SHC4: variants seen among roughly 807,000 people sequenced by gnomAD.
SHC4 encodes SHC-transforming protein 4.
SHC4 carries 41 observed loss-of-function variants against 69.4 expected under a neutral mutation model. The observed-to-expected ratio is 0.59, with a 90% CI of 0.46 to 0.77. The LOEUF (loss-of-function observed/expected upper bound fraction) is 0.77. Ranked by LOEUF, SHC4 falls within the 30% of genes least tolerant of loss-of-function variation. The pLI is 0.00. For synonymous variants in SHC4, 318 were observed against 299.3 expected (o/e 1.06, Z -0.64); for missense variants, 777 against 783.8 (o/e 0.99, Z 0.10).
At position 48,934,773 on chromosome 15, in the gene SHC4, G is replaced by A. The variant is rs533718923; in HGVS notation, c.586-9824C>T. Reference sequence around the variant, plus strand: ...GGAATAGTATTTGGCAATAAAAAGCGATCAAGTATTGATACATGCTGCAGC... The same window carrying A: ...GGAATAGTATTTGGCAATAAAAAGCAATCAAGTATTGATACATGCTGCAGC... On this transcript the variant is annotated intron_variant, in intron 1 of 11. Transcript: ENST00000332408. Among the ~76,000 whole-genome samples the A allele has an allele frequency of 3.8e-4, 58 of 152,214 alleles. No individual in the cohort carries two copies. In the South Asian group the frequency reaches 0.011, roughly 28 times the overall value.
At chr15:48,872,736 G>A (rs531802632) in intron 4 of SHC4, among the ~76,000 whole-genome samples, 6 of 152,226 alleles carry the variant, frequency 3.9e-5, no homozygotes, top group Admixed American at 3.9e-4. Flanking sequence ...CCTGAGTAAG[G>A]CACTAACATT....
At chr15:48,957,529 C>T (rs923208844) in intron 1 of SHC4, among the ~76,000 whole-genome samples, 6 of 152,068 alleles carry the variant, frequency 3.9e-5, no homozygotes, top group Admixed American at 2.0e-4. Context: ...CAGGAGAAGA[C>T]GGATGGTAAG....
chr15:48,950,511 A>T (rs1901349584), intron 1 of SHC4, among the ~76,000 whole-genome samples: 2 of 152,176 alleles, frequency 1.3e-5, no homozygotes, highest in Non-Finnish European at 2.9e-5. Flanking sequence ...CTATAGTAGC[A>T]GAGTTTCCCA....
At position 48,867,857 on chromosome 15, in the gene SHC4, A is replaced by T. The variant is rs776596645; in HGVS notation, c.907T>A (p.Tyr303Asn). The T allele has an allele frequency of 3.1e-6, 5 of 1,613,240 alleles. No individual in the cohort carries two copies. The highest frequency in any genetic ancestry group is 4.2e-6 in the Non-Finnish European group (5 of 1,179,476). The change falls in exon 6 of 12, where the codon TAT (tyrosine) becomes AAT (asparagine). Residue 303 changes from tyrosine to asparagine, a missense_variant. By Grantham distance (143) the Tyr-to-Asn change is moderately radical. Coordinates refer to ENST00000332408, the MANE Select transcript of SHC4 (RefSeq NM_203349.4). ...ASGGDPDTTD[Y>N]VAYVAKDPVN... ...GGATCTTTAGCTACGTAGGCAACAT[A>T]GTCTGTAGTATCCTATAAAAAAGGG...
At chr15:48,832,140 C>T (rs975808010) in intron 11 of SHC4, among the ~76,000 whole-genome samples, 3 of 152,072 alleles carry the variant, frequency 2.0e-5, no homozygotes, top group Admixed American at 6.5e-5. Context: ...GGTGTGGTGG[C>T]GGGCACCTGT....
At chr15:48,865,165 G>A (rs1899535590) in intron 6 of SHC4, among the ~76,000 whole-genome samples, 1 of 152,168 alleles carries the variant, frequency 6.6e-6, no homozygotes, top group Non-Finnish European at 1.5e-5. Context: ...ACCATGGTGG[G>A]ATTTTCCTTC....
chr15:48,959,327 C>T (rs572406311), intron 1 of SHC4, among the ~76,000 whole-genome samples: 13 of 152,328 alleles, frequency 8.5e-5, no homozygotes, highest in South Asian at 4.1e-4. Context: ...AACCTATCTC[C>T]GCTCACTAAA....
intron 1 of SHC4, among the ~76,000 whole-genome samples, chr15:48,928,124 G>T (rs184994158): frequency 6.8e-4 from 104 of 152,122 alleles, no homozygotes; most frequent in Non-Finnish European, 1.3e-3. Context: ...CTCCACCCAG[G>T]AGTACAAGAG....
At chr15:48,841,805 T>C (rs1158482606) in intron 10 of SHC4, among the ~76,000 whole-genome samples, 3 of 152,220 alleles carry the variant, frequency 2.0e-5, no homozygotes, top group Non-Finnish European at 4.4e-5. Context: ...GAATAGGGTG[T>C]CAGGAGTGAT....
At chr15:48,838,675 A>G (rs965896490) in intron 10 of SHC4, among the ~76,000 whole-genome samples, 54 of 152,270 alleles carry the variant, frequency 3.5e-4, no homozygotes, top group African/African-American at 1.3e-3. Context: ...AGTAATTAAG[A>G]TGCTGGTTGA....
At chr15:48,838,769 G>C (rs1898942572) in intron 10 of SHC4, among the ~76,000 whole-genome samples, 3 of 152,224 alleles carry the variant, frequency 2.0e-5, no homozygotes, top group Admixed American at 1.3e-4. Flanking sequence ...TGATATAATA[G>C]AAAGTAGCAT....
chr15:48,843,360 T>C (rs1434424716), intron 10 of SHC4, 49 bp downstream of exon 10: 2 of 1,502,720 alleles, frequency 1.3e-6, no homozygotes, highest in East Asian at 4.6e-5. Flanking sequence ...TGTGGTAATT[T>C]GTTAAAACAG....
chr15:48,894,872 A>G (rs1045595720), intron 2 of SHC4, among the ~76,000 whole-genome samples: 14 of 151,868 alleles, frequency 9.2e-5, no homozygotes, highest in African/African-American at 2.4e-4. Context: ...TGCAGCCTCA[A>G]CCTCCTTGGG....
intron 5 of SHC4, among the ~76,000 whole-genome samples, chr15:48,869,842 T>A (rs1899632469): frequency 6.6e-6 from 1 of 152,216 alleles, no homozygotes. Context: ...ATCAACAGGC[T>A]TTCTCACCAG....
At chr15:48,878,003 A>T (rs994896745) in intron 4 of SHC4, 1 of 702,540 alleles carries the variant, frequency 1.4e-6, no homozygotes, top group Admixed American at 3.4e-5. Context: ...ACCCCGGAGA[A>T]AACACTGAGC....
At chr15:48,885,100 C>A (rs1390061528) in intron 3 of SHC4, among the ~76,000 whole-genome samples, 1 of 152,086 alleles carries the variant, frequency 6.6e-6, no homozygotes, top group Non-Finnish European at 1.5e-5. Context: ...AATTCTGAAC[C>A]AGTCATTTCT....
chr15:48,857,148 A>G (rs1468049788), intron 7 of SHC4, among the ~76,000 whole-genome samples: 1 of 152,170 alleles, frequency 6.6e-6, no homozygotes, highest in Non-Finnish European at 1.5e-5. Flanking sequence ...CTTTCATTGC[A>G]GACTTTCTGT....
intron 6 of SHC4, among the ~76,000 whole-genome samples, chr15:48,863,636 T>C (rs1899496330): frequency 6.6e-6 from 1 of 152,244 alleles, no homozygotes. Context: ...CTCTTTAAAA[T>C]GTTTGAATCT....
rs1899358651 is a variant in SHC4, at chr15:48,857,814, G to A, written c.948C>T (p.Ala316=). 6.6e-7 allele frequency: 1 copy of A among 1,515,236 alleles called. No homozygotes were observed. The allele number at this position is 1,515,236 out of a possible 1,614,324, so 93.9% of individuals were successfully genotyped here. A position where few individuals can be genotyped will look rare whatever the true frequency, so the allele number is the denominator to read the frequency against. Residue 316 remains alanine (A), a splice_region_variant and synonymous_variant, in exon 7 of 12, where the codon GCC becomes GCT. Coordinates refer to ENST00000332408, the MANE Select transcript of SHC4 (RefSeq NM_203349.4). ...CATTGTGGCATTCCAATATGTGACAGGCTGCAAGAGGACATACAAAAAATA... is the reference window on the plus strand; with the variant it reads ...CATTGTGGCATTCCAATATGTGACAAGCTGCAAGAGGACATACAAAAAATA... The part of the protein sequence containing the change: ...YVAKDPVNQR[A]CHILECHNGM...
Sources: gnomAD v4.1 joint callset for allele counts (sites outside exome capture counted in the v4.1 genomes callset) on GRCh38, gnomAD v4.1.1 for gene constraint, MANE v1.5 for transcripts, NCBI Gene and HGNC (gene_info 2026-07-23, HGNC 2026-07-21) for gene names.